The following SLC13A3 variants were observed in gnomAD, a reference collection of about 807,000 sequenced individuals.
SLC13A3 encodes Na(+)/dicarboxylate cotransporter 3.
SLC13A3 carries 40 observed loss-of-function variants against 59.0 expected under a neutral mutation model. The ratio of observed to expected loss-of-function variants is 0.68; its 90% CI spans 0.53 to 0.88. The LOEUF (loss-of-function observed/expected upper bound fraction) is 0.88, where lower values mean the gene tolerates loss of function less well. SLC13A3 is among the 40% of genes least tolerant of loss of function. The pLI is 0.00. For synonymous variants in SLC13A3, 317 were observed against 330.3 expected (o/e 0.96, Z 0.44); for missense variants, 699 against 783.2 (o/e 0.89, Z 1.28).
At chr20:46,625,583 A>C (rs975879805) in intron 1 of SLC13A3, among the ~76,000 whole-genome samples, 1 of 152,238 alleles carries the variant, frequency 6.6e-6, no homozygotes, top group African/African-American at 2.4e-5. Context: ...GGACATTTAC[A>C]TCTCCCCAGA....
At chr20:46,624,573 A>C (rs2062649192) in intron 1 of SLC13A3, among the ~76,000 whole-genome samples, 1 of 152,222 alleles carries the variant, frequency 6.6e-6, no homozygotes, top group Admixed American at 6.5e-5. Context: ...GAGCTAGACA[A>C]GCTATTCCCA....
intron 5 of SLC13A3, among the ~76,000 whole-genome samples, chr20:46,594,737 T>C (rs1413828132): frequency 1.3e-5 from 2 of 151,402 alleles, no homozygotes; most frequent in African/African-American, 4.8e-5. Flanking sequence ...ACAACTTCTT[T>C]TTTTTTTTTT....
chr20:46,623,564 T>A (rs868380340), intron 1 of SLC13A3, among the ~76,000 whole-genome samples: 7 of 152,140 alleles, frequency 4.6e-5, no homozygotes, highest in Non-Finnish European at 7.4e-5. Flanking sequence ...CCCTCTGTTT[T>A]GGGGGAAATT....
intron 2 of SLC13A3, among the ~76,000 whole-genome samples, chr20:46,611,036 C>T (rs767950460): frequency 1.2e-4 from 19 of 152,076 alleles, no homozygotes; most frequent in Admixed American, 2.0e-4. Flanking sequence ...ACCTTTACTC[C>T]CCTGCCTCCC....
At chr20:46,600,066 T>G (rs773824605) in intron 3 of SLC13A3, 29 bp from the exon 4 acceptor site, 17 of 1,534,980 alleles carry the variant, frequency 1.1e-5, no homozygotes, top group Middle Eastern at 1.7e-4. Context: ...ATGTCTTTAA[T>G]GTAATGTAGC....
chr20:46,638,232 T>C (rs2062813276), intron 1 of SLC13A3, among the ~76,000 whole-genome samples: 1 of 152,124 alleles, frequency 6.6e-6, no homozygotes, highest in South Asian at 2.1e-4. Flanking sequence ...CATGAGAAGT[T>C]TTGCTGACTG....
intron 3 of SLC13A3, among the ~76,000 whole-genome samples, chr20:46,605,267 T>C (rs2062426685): frequency 6.6e-6 from 1 of 152,170 alleles, no homozygotes. Flanking sequence ...ATGATGATGA[T>C]AAAGTCATGA....
At chr20:46,661,585 T>C (rs2063030458) in intron 1 of SLC13A3, among the ~76,000 whole-genome samples, 1 of 152,184 alleles carries the variant, frequency 6.6e-6, no homozygotes, top group South Asian at 2.1e-4. Context: ...ATGGGGCTTT[T>C]TGGTCATTGG....
At chr20:46,674,594 C>T (rs540672488), upstream of SLC13A3, among the ~76,000 whole-genome samples, 1,757 of 84,310 alleles carry the variant, frequency 0.021, 38 homozygotes, top group African/African-American at 0.06. Flanking sequence ...GGAGTGCGCG[C>T]GCGCGCGCGC....
intron 1 of SLC13A3, among the ~76,000 whole-genome samples, chr20:46,666,315 T>C (rs2063062177): frequency 6.6e-6 from 1 of 152,230 alleles, no homozygotes; most frequent in Non-Finnish European, 1.5e-5. Flanking sequence ...TCATCACCTA[T>C]AAATCTTCCT....
At position 46,584,125 on chromosome 20, in the gene SLC13A3, C is replaced by T. The variant is rs1271436070; in HGVS notation, c.1122-456G>A. ...CCAGTGGAACCCAGATTGACCCAGCCTCTTGGCCCCTCAAAACCTAACTGT... is the reference window on the plus strand; with the variant it reads ...CCAGTGGAACCCAGATTGACCCAGCTTCTTGGCCCCTCAAAACCTAACTGT... On this transcript the variant is annotated intron_variant, in intron 8 of 12. Coordinates refer to ENST00000279027, the MANE Select transcript of SLC13A3 (RefSeq NM_022829.6). 6.1e-6 allele frequency: 6 copies of T among 985,264 alleles called. No homozygotes were observed. In the Admixed American group the frequency reaches 2.5e-4, roughly 40 times the overall value. 61.0% of individuals were successfully genotyped at this position (985,264 alleles called of 1,614,324 possible).
At chr20:46,597,095 T>C (rs2062320273) in intron 4 of SLC13A3, among the ~76,000 whole-genome samples, 1 of 141,530 alleles carries the variant, frequency 7.1e-6, no homozygotes, top group African/African-American at 2.5e-5. Context: ...AAGAAATGGC[T>C]ATGTTTCATG....
rs749718498 is a variant in SLC13A3, at chr20:46,560,171, T to C, written c.1660A>G (p.Met554Val). ...GCCAAACTGAGCAGCAGGACACCCA[T>C]CAGGTTCATCAGGAGGCCTGTCCGC... ...MVRTGLLMNL[M>V]GVLLLSLAMN... The change falls in exon 13 of 13, where the codon ATG (methionine) becomes GTG (valine). Residue 554 changes from methionine (M) to valine (V), a missense_variant. Coordinates refer to ENST00000279027, the MANE Select transcript of SLC13A3 (RefSeq NM_022829.6). 5.6e-6 allele frequency: 9 copies of C among 1,613,970 alleles called. No individual in the cohort carries two copies. Among genetic ancestry groups the C allele is most frequent in the Admixed American group, 1.7e-5 (1 of 59,998 alleles).
chr20:46,647,154 G>A (rs1047319560), intron 1 of SLC13A3, among the ~76,000 whole-genome samples: 2 of 152,128 alleles, frequency 1.3e-5, no homozygotes, highest in African/African-American at 2.4e-5. Context: ...AATGCAGGCT[G>A]GTTCAGCCTT....
At chr20:46,585,559 G>A (rs2062182664) in intron 8 of SLC13A3, 1 of 1,067,536 alleles carries the variant, frequency 9.4e-7, no homozygotes, top group Non-Finnish European at 1.2e-6. Context: ...CCATTTTAAG[G>A]GTATAGTTTA....
intron 1 of SLC13A3, among the ~76,000 whole-genome samples, chr20:46,623,353 T>C (rs147028407): frequency 6.6e-6 from 1 of 152,324 alleles, no homozygotes; most frequent in African/African-American, 2.4e-5. Context: ...GCGTCTTCTA[T>C]GTATTAACTC....
chr20:46,636,695 G>A (rs1308303175), intron 1 of SLC13A3, among the ~76,000 whole-genome samples: 1 of 152,214 alleles, frequency 6.6e-6, no homozygotes, highest in Admixed American at 6.5e-5. Context: ...TTCACCTGCA[G>A]GGAAGTTCTT....
At chr20:46,621,597 TA>T (rs1406185162) in intron 1 of SLC13A3, among the ~76,000 whole-genome samples, 2 of 151,980 alleles carry the variant, frequency 1.3e-5, no homozygotes, top group African/African-American at 4.8e-5. Context: ...GGTTCTGGAA[TA>T]AAAAAAAGTT....
chr20:46,671,645 C>T (rs11697343), upstream of SLC13A3, among the ~76,000 whole-genome samples: 24 of 152,170 alleles, frequency 1.6e-4, no homozygotes, highest in Admixed American at 3.9e-4. Context: ...GGAAAAGGAA[C>T]AGGGAGAAGC....
Sources: gnomAD v4.1 joint callset for allele counts (sites outside exome capture counted in the v4.1 genomes callset) on GRCh38, gnomAD v4.1.1 for gene constraint, MANE v1.5 for transcripts, NCBI Gene and HGNC (gene_info 2026-07-23, HGNC 2026-07-21) for gene names.